FUT8: variants seen among roughly 807,000 people sequenced by gnomAD.
FUT8 encodes the protein alpha-(1,6)-fucosyltransferase.
In FUT8, 29 loss-of-function variants were observed where a neutral mutation model predicts 71.3. The ratio of observed to expected loss-of-function variants is 0.41; its 90% CI spans 0.30 to 0.55. The LOEUF (loss-of-function observed/expected upper bound fraction) is 0.55. Among genes scored for constraint, FUT8 ranks in the 20% least tolerant of loss-of-function variants. The pLI is 0.34. For synonymous variants in FUT8, 254 were observed against 239.3 expected (o/e 1.06, Z -0.57); for missense variants, 544 against 702.1 (o/e 0.77, Z 2.55).
the FUT8 span, among the ~76,000 whole-genome samples, chr14:65,364,769 A>C: frequency 1.3e-5 from 2 of 152,178 alleles, no homozygotes; most frequent in Non-Finnish European, 2.9e-5. Flanking sequence ...GCCAAGATAG[A>C]ATCTGAGATG....
intron 1 of FUT8, among the ~76,000 whole-genome samples, chr14:65,426,819 G>A (rs1246697133): frequency 1.3e-5 from 2 of 152,216 alleles, no homozygotes; most frequent in African/African-American, 4.8e-5. Context: ...TATGAATCCT[G>A]TGTGTGTGAG....
intron 2 of FUT8, among the ~76,000 whole-genome samples, chr14:65,536,367 G>T (rs1225088693): frequency 6.6e-6 from 1 of 152,144 alleles, no homozygotes; most frequent in African/African-American, 2.4e-5. Context: ...GTGTACTTCA[G>T]TGTGTTTTTG....
chr14:65,718,518 T>A (rs1895243448), intron 7 of FUT8, among the ~76,000 whole-genome samples: 1 of 152,204 alleles, frequency 6.6e-6, no homozygotes, highest in Non-Finnish European at 1.5e-5. Context: ...AATTACAGTG[T>A]TATAAAATTA....
upstream of FUT8, among the ~76,000 whole-genome samples, chr14:65,406,822 G>A (rs938768296): frequency 5.3e-5 from 8 of 152,218 alleles, no homozygotes; most frequent in African/African-American, 1.9e-4. Flanking sequence ...ATAGGTGTGA[G>A]CCACAGCGCC....
At chr14:65,378,787 A>T in the FUT8 span, among the ~76,000 whole-genome samples, 2 of 151,732 alleles carry the variant, frequency 1.3e-5, no homozygotes, top group Non-Finnish European at 2.9e-5. Flanking sequence ...TCTTCCATGT[A>T]AAGAATTATG....
At chr14:65,657,244 A>G (rs1245553708) in intron 6 of FUT8, among the ~76,000 whole-genome samples, 1 of 152,170 alleles carries the variant, frequency 6.6e-6, no homozygotes, top group Non-Finnish European at 1.5e-5. Flanking sequence ...AATTAGTACA[A>G]CCACTATGAA....
chr14:65,439,954 G>GTATA (rs60534547), intron 1 of FUT8, among the ~76,000 whole-genome samples: 2,736 of 74,786 alleles, frequency 0.037, 139 homozygotes, highest in Non-Finnish European at 0.042. Context: ...GTGTGTGTGT[G>GTATA]TATATATATA....
At chr14:65,454,355 G>A (rs1456340462) in intron 1 of FUT8, among the ~76,000 whole-genome samples, 2 of 152,088 alleles carry the variant, frequency 1.3e-5, no homozygotes, top group African/African-American at 2.4e-5. Context: ...GGCTGGGCAT[G>A]GTGGCTCATG....
At chr14:65,567,464 G>C (rs1364179839) in intron 3 of FUT8, among the ~76,000 whole-genome samples, 1 of 151,866 alleles carries the variant, frequency 6.6e-6, no homozygotes, top group Non-Finnish European at 1.5e-5. Flanking sequence ...GTGTTAAAAA[G>C]TGGGTTGCCT....
At chr14:65,380,661 C>T in the FUT8 span, among the ~76,000 whole-genome samples, 1 of 152,208 alleles carries the variant, frequency 6.6e-6, no homozygotes, top group Non-Finnish European at 1.5e-5. Flanking sequence ...GGTCATCCCT[C>T]TGGGGTCCTC....
At chr14:65,700,381 G>GTTTTTTTTTTTTTTTTTTT (rs763718984) in intron 7 of FUT8, among the ~76,000 whole-genome samples, 2 of 48,848 alleles carry the variant, frequency 4.1e-5, no homozygotes, top group African/African-American at 8.5e-5. Flanking sequence ...CTTTCTTTCT[G>GTTTTTTTTTTTTTTTTTTT]TTTTTTTTTT....
At chr14:65,511,677 C>G (rs1341543639) in intron 2 of FUT8, among the ~76,000 whole-genome samples, 2 of 152,112 alleles carry the variant, frequency 1.3e-5, no homozygotes, top group African/African-American at 2.4e-5. Context: ...CAGTTTTTGT[C>G]TTGAAATCTA....
intron 5 of FUT8, among the ~76,000 whole-genome samples, chr14:65,629,135 A>C (rs1217649285): frequency 6.6e-6 from 1 of 152,250 alleles, no homozygotes; most frequent in Non-Finnish European, 1.5e-5. Flanking sequence ...ACCAAGAGGT[A>C]CTAATACTAA....
At chr14:65,557,821 A>C (rs1444092879) in intron 2 of FUT8, among the ~76,000 whole-genome samples, 1 of 152,166 alleles carries the variant, frequency 6.6e-6, no homozygotes, top group Non-Finnish European at 1.5e-5. Context: ...AAACACTGCT[A>C]TATAAATTTT....
intron 3 of FUT8, among the ~76,000 whole-genome samples, chr14:65,568,350 A>G (rs1886304727): frequency 6.8e-6 from 1 of 146,630 alleles, no homozygotes; most frequent in Admixed American, 6.8e-5. Flanking sequence ...CAAAGAACCA[A>G]CCTCTGTGCT....
chr14:65,413,778 A>G lies in FUT8; in HGVS notation c.-326+564A>G, dbSNP rs574174801. On this transcript the variant is annotated intron_variant, in intron 1 of 10. Coordinates refer to ENST00000673929, the MANE Select transcript of FUT8 (RefSeq NM_001371533.1). This position sits in a 1 kb window ranked among gnomAD's most constrained non-coding sequence, Gnocchi z 4.1. ...CAGCTGTACTCCCTTTTGATGTGCA[A>G]ATGACGAGCTGGCGGCTTTTGAGTA... Among the ~76,000 whole-genome samples, 1 of 152,298 alleles carries G rather than the reference A, an allele frequency of 6.6e-6. No individual in the cohort carries two copies. Among genetic ancestry groups the G allele is most frequent in the Admixed American group, 6.5e-5 (1 of 15,292 alleles).
intron 2 of FUT8, among the ~76,000 whole-genome samples, chr14:65,541,259 G>A (rs1234771650): frequency 6.6e-6 from 1 of 152,166 alleles, no homozygotes; most frequent in African/African-American, 2.4e-5. Context: ...TAGAGAAACA[G>A]TACCAATAGG....
chr14:65,430,438 A>G (rs188037464), intron 1 of FUT8: 8 of 152,318 alleles, frequency 5.3e-5, no homozygotes, highest in Admixed American at 2.6e-4. Flanking sequence ...GAAAAATGTC[A>G]ATGTAAATGA....
In FUT8 at chr14:65,643,665, T is replaced by TACACACACACACACACACAC. The variant is rs60967671; in HGVS notation, c.597+14090_597+14109dup. ...CGAGACTCCGTCTTTAAAAAAAAAA[T>TACACACACACACACACACAC]ACACACACACACACACACACACACA... On this transcript the variant is annotated intron_variant, in intron 6 of 10. Transcript: ENST00000673929. The surrounding 1 kb of genome is among the most constrained non-coding windows in gnomAD (Gnocchi z 4.5). 9.9e-4 allele frequency among the ~76,000 whole-genome samples: 123 copies of TACACACACACACACACACAC among 124,734 alleles called. 1 individual carries two copies. The highest frequency in any genetic ancestry group is 2.6e-3 in the East Asian group (10 of 3,828). The allele number at this position is 124,734 out of a possible 152,430, so 81.8% of individuals were successfully genotyped here.
Sources: allele counts gnomAD v4.1 joint callset (sites outside exome capture counted in the v4.1 genomes callset), GRCh38; gene constraint gnomAD v4.1.1; non-coding constraint Gnocchi (gnomAD v3.1); transcripts MANE v1.5; gene names NCBI Gene and HGNC (gene_info 2026-07-23, HGNC 2026-07-21).